The following EIF3A variants were observed in gnomAD, a reference collection of about 807,000 sequenced individuals.
The protein encoded by EIF3A is EIF3, p180 subunit.
Under a neutral mutation model 186.6 loss-of-function variants are expected in EIF3A, and 21 were observed. The ratio of observed to expected loss-of-function variants is 0.11; its 90% confidence interval spans 0.08 to 0.16. The LOEUF (loss-of-function observed/expected upper bound fraction) is 0.16, where lower values mean the gene tolerates loss of function less well. Among genes scored for constraint, EIF3A ranks in the 10% least tolerant of loss-of-function variants. The pLI, the probability that EIF3A is intolerant of heterozygous loss-of-function variation, is 1.00. For synonymous variants in EIF3A, 563 were observed against 584.3 expected, an observed-to-expected ratio of 0.96 and a Z score of 0.52; for missense variants, 1,306 against 1,796.3, an observed-to-expected ratio of 0.73 and a Z score of 4.93.
rs747365602 is a variant in EIF3A, at chr10:119,057,091, C to T, written c.1978-51G>A. ...TGTTAATAAAGAGAAACAAGCAATG[C>T]CTAACATAACTCACTGCTTTCTAGA... is the stretch of plus-strand genomic sequence containing the variant. On this transcript the variant is annotated intron_variant, in intron 12 of 21. Transcript: ENST00000369144. The T allele has an allele frequency of 5.9e-6, 6 of 1,009,898 alleles. No homozygotes were observed. The African/African-American group carries it at 9.7e-5, about 16-fold the overall frequency. The allele number at this position is 1,009,898 out of a possible 1,614,324, so 62.6% of individuals were successfully genotyped here.
At position 119,074,467 on chromosome 10, in the gene EIF3A, CAAAA is replaced by C. The variant is rs1408366520; in HGVS notation, c.50-534_50-531del. On this transcript the variant is annotated intron_variant, in intron 1 of 21. Transcript: ENST00000369144. ...GTGACAAGAGCGAAATTCCGTGTCT[CAAAA>C]AAAAAAAATAAAATAAATAATGTGT... Among the ~76,000 whole-genome samples, 4 of 16,948 alleles carry C rather than the reference CAAAA, an allele frequency of 2.4e-4. No homozygotes were observed. The Admixed American group carries it at 4.7e-3, about 20-fold the overall frequency. The allele number at this position is 16,948 out of a possible 152,430, so 11.1% of individuals were successfully genotyped here. A position where few individuals can be genotyped will look rare whatever the true frequency, so the allele number is the denominator to read the frequency against.
At chr10:119,051,369 C>A in intron 14 of EIF3A, 48 bp from the exon 15 acceptor site, 2 of 1,508,096 alleles carry the variant, frequency 1.3e-6, no homozygotes, top group South Asian at 2.6e-5. Flanking sequence ...TTTTTTTACT[C>A]ATTAACCCCA....
Position 119,035,900 on chromosome 10 carries a change from A to C in EIF3A, c.*139T>G. 1.5e-6 allele frequency: 1 copy of C among 665,830 alleles called. No homozygotes were observed. Among genetic ancestry groups the C allele is most frequent in the Admixed American group, 2.6e-5 (1 of 38,542 alleles). 41.2% of individuals were successfully genotyped at this position (665,830 alleles called of 1,614,324 possible). A position where few individuals can be genotyped will look rare whatever the true frequency, so the allele number is the denominator to read the frequency against. ...CATGATCAATCTATTATATAGGATTAATACAAGTTCATGCTTTTTGTGTTA... is the reference window on the plus strand; with the variant it reads ...CATGATCAATCTATTATATAGGATTCATACAAGTTCATGCTTTTTGTGTTA... On this transcript the variant is annotated 3_prime_UTR_variant, in exon 22 of 22. Coordinates refer to ENST00000369144, the MANE Select transcript of EIF3A (RefSeq NM_003750.4).
Position 119,060,778 on chromosome 10 carries a change from G to C in EIF3A, c.1294C>G (p.Gln432Glu). 1 of 1,610,674 alleles carries C rather than the reference G, an allele frequency of 6.2e-7. No individual in the cohort carries two copies. The highest frequency in any genetic ancestry group is 8.5e-7 in the Non-Finnish European group (1 of 1,178,678). ...PELQQYVPQL[Q>E]NNTILRLLQQ... ...AGAAGGCGGAGGATGGTGTTGTTTTGCAGTTGTGGCACATACTGCTGCAAT... is the reference window on the plus strand; with the variant it reads ...AGAAGGCGGAGGATGGTGTTGTTTTCCAGTTGTGGCACATACTGCTGCAAT... Residue 432 changes from glutamine (Q) to glutamate (E), a missense_variant, in exon 9 of 22, where the codon CAA becomes GAA. This residue lies in a region of EIF3A where 267 missense variants were observed against 367.8 expected (regional missense o/e 0.73). Transcript: ENST00000369144.
At chr10:119,063,809 G>A (rs117987090) in intron 7 of EIF3A, among the ~76,000 whole-genome samples, 2,206 of 152,288 alleles carry the variant, frequency 0.014, 27 homozygotes, top group Non-Finnish European at 0.023. Context: ...AATCTGGCCG[G>A]CACGGTGGCA....
chr10:119,065,277 C>T, intron 7 of EIF3A, 122 bp downstream of exon 7: 1 of 723,510 alleles, frequency 1.4e-6, no homozygotes. Flanking sequence ...CCAGTGCTTC[C>T]CTGTCCATAC....
In EIF3A at chr10:119,044,724, T is replaced by C. The variant is rs557813589; in HGVS notation, c.2659-582A>G. Among the ~76,000 whole-genome samples the C allele has an allele frequency of 1.7e-4, 26 of 152,188 alleles. No homozygotes were observed. In the East Asian group the frequency reaches 4.9e-3, roughly 28 times the overall value. On this transcript the variant is annotated intron_variant, in intron 17 of 21. Transcript: ENST00000369144. Reference sequence around the variant, plus strand: ...TTAGCCAGGCGTGGTGGCAGGCGCCTGTAGTCCCAGCTACTTGGGAGGCTG... The same window carrying C: ...TTAGCCAGGCGTGGTGGCAGGCGCCCGTAGTCCCAGCTACTTGGGAGGCTG...
Position 119,069,624 on chromosome 10 carries a change from C to T in EIF3A, c.772G>A (p.Gly258Arg), listed in dbSNP as rs1487714045. The stretch of plus-strand genomic sequence containing the variant: ...GGTTTTTTAGACAAGGAGAATAGCC[C>T]GTGAATATCTTCCACAGCTTTGAAT... The part of the protein sequence containing the change: ...EAFKAVEDIH[G>R]LFSLSKKPPK... The change falls in exon 6 of 22, where the codon GGG becomes AGG. Residue 258 changes from glycine (G) to arginine (R), a missense_variant. Gly to Arg is a moderately radical substitution (Grantham distance 125, BLOSUM62 -2). Coordinates refer to ENST00000369144, the MANE Select transcript of EIF3A (RefSeq NM_003750.4). The T allele has an allele frequency of 1.3e-6, 2 of 1,590,834 alleles. No individual in the cohort carries two copies. Among genetic ancestry groups the T allele is most frequent in the Non-Finnish European group, 1.7e-6 (2 of 1,159,152 alleles).
intron 1 of EIF3A, among the ~76,000 whole-genome samples, chr10:119,076,227 G>T (rs1054923833): frequency 7.9e-5 from 12 of 151,224 alleles, no homozygotes; most frequent in African/African-American, 2.9e-4. Context: ...TAGCTACTTG[G>T]GAGGCTGAGG....
intron 6 of EIF3A, among the ~76,000 whole-genome samples, chr10:119,065,884 A>AG (rs1480525344): frequency 2.6e-5 from 4 of 152,028 alleles, no homozygotes; most frequent in Admixed American, 1.3e-4. Flanking sequence ...TGGGAGGCCA[A>AG]GGGGGGCACA....
chr10:119,072,428 T>TTTTGG (rs1234538306), intron 4 of EIF3A, among the ~76,000 whole-genome samples: 1 of 100,172 alleles, frequency 1.0e-5, no homozygotes, highest in African/African-American at 3.2e-5. Context: ...TACTCAGTCA[T>TTTTGG]TTTGGTTTTG....
intron 1 of EIF3A, among the ~76,000 whole-genome samples, chr10:119,079,703 C>T (rs1264283083): frequency 6.6e-6 from 1 of 152,082 alleles, no homozygotes; most frequent in African/African-American, 2.4e-5. Context: ...CAAGTTTTTC[C>T]CTCAAGCGCC....
At chr10:119,067,418 T>C (rs933367629) in intron 6 of EIF3A, among the ~76,000 whole-genome samples, 2 of 152,002 alleles carry the variant, frequency 1.3e-5, no homozygotes, top group East Asian at 1.9e-4. Flanking sequence ...AACGAGACCC[T>C]GCCTCCACAA....
At chr10:119,069,377 T>C in intron 6 of EIF3A, 69 bp downstream of exon 6, 1 of 821,572 alleles carries the variant, frequency 1.2e-6, no homozygotes, top group Non-Finnish European at 2.0e-6. Flanking sequence ...TGGCCTAAAA[T>C]ATACCATGTC....
chr10:119,072,343 GAAA>G (rs1225433688), intron 4 of EIF3A, among the ~76,000 whole-genome samples: 1 of 146,006 alleles, frequency 6.8e-6, no homozygotes. Context: ...TGTGTAAAAA[GAAA>G]AAAAAAGATC....
chr10:119,061,351 T>C (rs1251045466), intron 7 of EIF3A, 23 bp from the exon 8 acceptor site: 1 of 1,093,462 alleles, frequency 9.1e-7, no homozygotes. Flanking sequence ...AAACAAAAGA[T>C]GTAACTGCCA....
chr10:119,064,082 A>AAAC (rs565414919), intron 7 of EIF3A, among the ~76,000 whole-genome samples: 1 of 152,170 alleles, frequency 6.6e-6, no homozygotes, highest in Non-Finnish European at 1.5e-5. Flanking sequence ...CTGTCTCAAA[A>AAAC]AACAACAACA....
intron 17 of EIF3A, among the ~76,000 whole-genome samples, chr10:119,044,829 G>A (rs573783869): frequency 6.6e-6 from 1 of 152,098 alleles, no homozygotes; most frequent in African/African-American, 2.4e-5. Flanking sequence ...GCCTGCACCA[G>A]AGCGCAAGCC....
At chr10:119,043,939 C>T in intron 18 of EIF3A, 115 bp downstream of exon 18, 1 of 800,746 alleles carries the variant, frequency 1.2e-6, no homozygotes, top group Non-Finnish European at 2.1e-6. Context: ...CAGACATGCA[C>T]ACAATTCTTC....
Sources: gnomAD v4.1 joint callset for allele counts (sites outside exome capture counted in the v4.1 genomes callset) on GRCh38, gnomAD v4.1.1 for gene constraint, gnomAD v4.1.1 regional missense constraint, MANE v1.5 for transcripts, NCBI Gene and HGNC (gene_info 2026-07-23, HGNC 2026-07-21) for gene names.